The following ABCB11 variants were observed in gnomAD, a reference collection of about 807,000 sequenced individuals.
ABCB11 encodes the protein bile salt export pump.
ABCB11 carries 95 observed loss-of-function variants against 148.0 expected under a neutral mutation model. That is an observed-to-expected ratio of 0.64 (90% CI 0.54 to 0.76). ABCB11 has a LOEUF of 0.76. Among genes scored for constraint, ABCB11 ranks in the 30% least tolerant of loss-of-function variants. The pLI is 0.00. For missense variants in ABCB11, 1,523 were observed against 1,617.8 expected, an observed-to-expected ratio of 0.94 and a Z score of 1.01; for synonymous variants, 591 against 555.4, an observed-to-expected ratio of 1.06 and a Z score of -0.90.
intron 14 of ABCB11, 70 bp downstream of exon 14, chr2:168,971,777 G>A (rs1439527948): frequency 7.1e-7 from 1 of 1,416,248 alleles, no homozygotes; most frequent in Non-Finnish European, 9.9e-7. Flanking sequence ...GAAGAAATGT[G>A]TATAATTGTG....
chr2:168,976,566 C>G lies in ABCB11; in HGVS notation c.1308+11G>C. ...AACATTTACTATTCTGGGGAACAGA[C>G]CAGCACTCACCTTCACCTCTGGTCT... On this transcript the variant is annotated intron_variant, in intron 12 of 27. Coordinates refer to ENST00000650372, the MANE Select transcript of ABCB11 (RefSeq NM_003742.4). The G allele has an allele frequency of 6.7e-7, 1 of 1,489,930 alleles. No individual in the cohort carries two copies. The highest frequency in any genetic ancestry group is 2.3e-5 in the East Asian group (1 of 42,704). The allele number at this position is 1,489,930 out of a possible 1,614,324, so 92.3% of individuals were successfully genotyped here.
chr2:168,936,297 G>A lies in ABCB11; in HGVS notation c.2747C>T (p.Ala916Val), dbSNP rs771916234. The A allele has an allele frequency of 1.2e-6, 2 of 1,613,942 alleles. No individual in the cohort carries two copies. Among genetic ancestry groups the A allele is most frequent in the East Asian group, 2.2e-5 (1 of 44,874 alleles). ...TCCTGTCAACATCCTGGTCTGTGTG[G>A]CTCCTGATAAAGCCAAGAAGGGGAA... Reference protein sequence around the residue: ...CFFPFLALSGATQTRMLTGFA... With the variant: ...CFFPFLALSGVTQTRMLTGFA... Residue 916 changes from alanine to valine, a missense_variant, in exon 22 of 28, where the codon GCC (alanine) becomes GTC (valine). Coordinates refer to ENST00000650372, the MANE Select transcript of ABCB11 (RefSeq NM_003742.4).
rs1366373819 is a variant in ABCB11, at chr2:168,959,608, G to C, written c.2179-1480C>G. On this transcript the variant is annotated intron_variant, in intron 18 of 27. Coordinates refer to ENST00000650372, the MANE Select transcript of ABCB11 (RefSeq NM_003742.4). ...ACAGAGGCATTGATTACCTTCATTC[G>C]GGTTATTTTTTCAAGGGTATTTGTA... Among the ~76,000 whole-genome samples the C allele has an allele frequency of 2.0e-5, 3 of 151,510 alleles. No individual in the cohort carries two copies. The South Asian group carries it at 6.2e-4, about 31-fold the overall frequency.
intron 14 of ABCB11, 186 bp from the exon 15 acceptor site, chr2:168,970,401 T>C: frequency 6.9e-7 from 1 of 1,459,554 alleles, no homozygotes; most frequent in Non-Finnish European, 9.2e-7. Context: ...ATGTGTGAAA[T>C]AAAGGAATTG....
rs548624200 is a variant in ABCB11 at position 168,923,385 on chromosome 2, A to G, written c.*237T>C. 2.4e-3 allele frequency: 1,358 copies of G among 576,182 alleles called. 3 individuals are homozygous for G. The highest frequency in any genetic ancestry group is 3.7e-3 in the Non-Finnish European group (1,192 of 325,880). 35.7% of individuals were successfully genotyped at this position (576,182 alleles called of 1,614,324 possible). ...GCCACTTGACATTGGGTTTTCCCTC[A>G]TATGGACCCTAGTTTCTTTCATTTT... On this transcript the variant is annotated 3_prime_UTR_variant, in exon 28 of 28. Coordinates refer to ENST00000650372, the MANE Select transcript of ABCB11 (RefSeq NM_003742.4).
chr2:168,945,437 CT>C (rs1253224384), intron 19 of ABCB11, among the ~76,000 whole-genome samples: 1 of 151,768 alleles, frequency 6.6e-6, no homozygotes, highest in East Asian at 1.9e-4. Flanking sequence ...GAATTTTTGT[CT>C]TGTTATTTTG....
At chr2:168,929,678 C>T (rs934073957) in intron 25 of ABCB11, among the ~76,000 whole-genome samples, 1 of 152,116 alleles carries the variant, frequency 6.6e-6, no homozygotes, top group East Asian at 1.9e-4. Flanking sequence ...GGATTGCTAA[C>T]ATTTTTCTTT....
intron 9 of ABCB11, among the ~76,000 whole-genome samples, chr2:168,986,522 A>G (rs1426629793): frequency 6.6e-6 from 1 of 152,098 alleles, no homozygotes; most frequent in Non-Finnish European, 1.5e-5. Context: ...TGCTGCTTGG[A>G]TTGCATAGTG....
intron 21 of ABCB11, among the ~76,000 whole-genome samples, chr2:168,939,020 A>G (rs1691952569): frequency 6.6e-6 from 1 of 152,066 alleles, no homozygotes; most frequent in Non-Finnish European, 1.5e-5. Context: ...ATATAGGAAC[A>G]CTTTAAAAAA....
intron 2 of ABCB11, among the ~76,000 whole-genome samples, chr2:168,915,759 C>G (rs1690928836): frequency 6.6e-6 from 1 of 152,202 alleles, no homozygotes; most frequent in Non-Finnish European, 1.5e-5. Flanking sequence ...AAAGGGACAG[C>G]CTGCATAGGG....
chr2:168,976,202 T>C (rs1467037504), intron 12 of ABCB11, among the ~76,000 whole-genome samples: 1 of 152,164 alleles, frequency 6.6e-6, no homozygotes, highest in African/African-American at 2.4e-5. Context: ...GTCTTCCACT[T>C]TCTGCAGTCT....
At position 168,969,265 on chromosome 2, in the gene ABCB11, A is replaced by G. The variant is rs1693461620; in HGVS notation, c.2011+85T>C. 65 of 1,248,460 alleles carry G rather than the reference A, an allele frequency of 5.2e-5. 1 individual carries two copies. The South Asian group carries it at 9.0e-4, about 17-fold the overall frequency. The allele number at this position is 1,248,460 out of a possible 1,614,324, so 77.3% of individuals were successfully genotyped here. A position where few individuals can be genotyped will look rare whatever the true frequency, so the allele number is the denominator to read the frequency against. ...TGCCAGAGTTGTTGGGAGAACAGTGAGTATTGAAATACATAGAAAACCGTA... is the reference window on the plus strand; with the variant it reads ...TGCCAGAGTTGTTGGGAGAACAGTGGGTATTGAAATACATAGAAAACCGTA... On this transcript the variant is annotated intron_variant, in intron 16 of 27. Transcript: ENST00000650372.
intron 10 of ABCB11, among the ~76,000 whole-genome samples, chr2:168,982,338 C>T (rs1694159941): frequency 6.6e-6 from 1 of 152,068 alleles, no homozygotes; most frequent in Admixed American, 6.6e-5. Flanking sequence ...ATAATGACAC[C>T]AATTACGGAA....
intron 9 of ABCB11, among the ~76,000 whole-genome samples, chr2:168,988,960 T>A (rs1379641973): frequency 6.6e-6 from 1 of 152,152 alleles, no homozygotes; most frequent in Admixed American, 6.6e-5. Flanking sequence ...TCAGGTCTTT[T>A]GACCACTTTT....
chr2:169,003,490 G>T (rs1173170615), intron 5 of ABCB11, among the ~76,000 whole-genome samples: 2 of 151,628 alleles, frequency 1.3e-5, no homozygotes, highest in East Asian at 1.9e-4. Flanking sequence ...CTCGTTGATT[G>T]ATGGGCCTTT....
chr2:168,958,024 A>G lies in ABCB11; in HGVS notation c.2283T>C (p.Gly761=), dbSNP rs761695401. The G allele has an allele frequency of 1.9e-6, 3 of 1,610,902 alleles. No homozygotes were observed. The Admixed American group carries it at 5.0e-5, about 27-fold the overall frequency. ...EWPYMLVGSV[G]AAVNGTVTPL... ...GTGTGACTGTCCCGTTCACAGCTGC[A>G]CCCACAGACCCTACCAGCATGTAGG... The change falls in exon 19 of 28, where the codon GGT becomes GGC. Residue 761 remains glycine (G), a synonymous_variant. Coordinates refer to ENST00000650372, the MANE Select transcript of ABCB11 (RefSeq NM_003742.4).
chr2:168,943,850 T>G (rs1217514647), intron 21 of ABCB11, among the ~76,000 whole-genome samples: 2 of 152,022 alleles, frequency 1.3e-5, no homozygotes, highest in African/African-American at 2.4e-5. Flanking sequence ...TACTTAAAAT[T>G]TTTTTCCTTT....
chr2:168,930,805 G>A lies in ABCB11; in HGVS notation c.3271C>T (p.Pro1091Ser). The change falls in exon 25 of 28, where the codon CCT becomes TCT. Residue 1091 changes from proline (P) to serine (S), a missense_variant. Coordinates refer to ENST00000650372, the MANE Select transcript of ABCB11 (RefSeq NM_003742.4). ...AGACCATTCAGAACTTGCGAGTCAG[G>A]TCGAGAAGGATATGTAAATTTACAA... ...VDCKFTYPSR[P>S]DSQVLNGLSV... The A allele has an allele frequency of 6.2e-7, 1 of 1,612,940 alleles. No homozygotes were observed. The highest frequency in any genetic ancestry group is 8.5e-7 in the Non-Finnish European group (1 of 1,179,454).
chr2:168,927,443 T>C, intron 25 of ABCB11, 81 bp from the exon 26 acceptor site: 3 of 1,176,730 alleles, frequency 2.5e-6, no homozygotes. Flanking sequence ...CATTAGGTGT[T>C]ATGCAGGACA....
Sources: gnomAD v4.1 joint callset for allele counts (sites outside exome capture counted in the v4.1 genomes callset) on GRCh38, gnomAD v4.1.1 for gene constraint, MANE v1.5 for transcripts, NCBI Gene and HGNC (gene_info 2026-07-23, HGNC 2026-07-21) for gene names.